CADM1: variants seen among roughly 807,000 people sequenced by gnomAD.
CADM1 encodes TSLC-1.
Under a neutral mutation model 53.1 loss-of-function variants are expected in CADM1, and 15 were observed. The ratio of observed to expected loss-of-function variants is 0.28; its 90% CI spans 0.19 to 0.44. The LOEUF (loss-of-function observed/expected upper bound fraction) is 0.44, where lower values mean the gene tolerates loss of function less well. Among genes scored for constraint, CADM1 ranks in the 20% least tolerant of loss-of-function variants. The probability of loss-of-function intolerance (pLI) is 1.00; values close to 1 mark genes in which losing one functional copy is unlikely to be tolerated. For missense variants in CADM1, 434 were observed against 611.3 expected, an observed-to-expected ratio of 0.71 and a Z score of 3.06; for synonymous variants, 281 against 243.0, an observed-to-expected ratio of 1.16 and a Z score of -1.45.
chr11:115,416,646 C>A lies in CADM1; in HGVS notation c.124+87625G>T, dbSNP rs367580143. Among the ~76,000 whole-genome samples, 13 of 151,028 alleles carry A rather than the reference C, an allele frequency of 8.6e-5. No individual in the cohort carries two copies. In the East Asian group the frequency reaches 1.6e-3, roughly 18 times the overall value. ...AGTACTAACTTGTTGAGTTTACCATCCAAGACTGTAGCCTCAAACCCCCTT... is the reference window on the plus strand; with the variant it reads ...AGTACTAACTTGTTGAGTTTACCATACAAGACTGTAGCCTCAAACCCCCTT... On this transcript the variant is annotated intron_variant, in intron 1 of 11. Coordinates refer to ENST00000331581, the MANE Select transcript of CADM1 (RefSeq NM_001301043.2).
intron 1 of CADM1, among the ~76,000 whole-genome samples, chr11:115,350,984 TTG>T (rs1360764609): frequency 6.6e-6 from 1 of 151,576 alleles, no homozygotes; most frequent in Non-Finnish European, 1.5e-5. Context: ...ATCCCATTAG[TTG>T]TGTTTCCAGT....
chr11:115,337,073 T>C (rs1236707969), intron 1 of CADM1, among the ~76,000 whole-genome samples: 6 of 152,178 alleles, frequency 3.9e-5, no homozygotes, highest in African/African-American at 1.4e-4. Context: ...TTTCCACTAA[T>C]ACAACTAGTA....
chr11:115,467,353 C>G (rs1355631343), intron 1 of CADM1, among the ~76,000 whole-genome samples: 1 of 152,146 alleles, frequency 6.6e-6, no homozygotes, highest in Non-Finnish European at 1.5e-5. Context: ...TACGCAAACC[C>G]AACTGATTGA....
intron 1 of CADM1, among the ~76,000 whole-genome samples, chr11:115,407,364 A>G (rs1454787096): frequency 1.3e-5 from 2 of 152,228 alleles, no homozygotes; most frequent in African/African-American, 2.4e-5. Context: ...CCGCTGGATG[A>G]GTTCAATGCA....
At chr11:115,483,631 G>C (rs1364478727) in intron 1 of CADM1, among the ~76,000 whole-genome samples, 1 of 152,186 alleles carries the variant, frequency 6.6e-6, no homozygotes, top group Non-Finnish European at 1.5e-5. Flanking sequence ...TAAATTTGGA[G>C]TGAATATCAA....
intron 1 of CADM1, among the ~76,000 whole-genome samples, chr11:115,492,108 T>C (rs573750832): frequency 5.3e-4 from 81 of 151,942 alleles, no homozygotes; most frequent in African/African-American, 1.9e-3. Flanking sequence ...AAATAAATAA[T>C]TAAATAAATA....
At chr11:115,216,203 T>C (rs542444373) in intron 6 of CADM1, among the ~76,000 whole-genome samples, 1 of 152,342 alleles carries the variant, frequency 6.6e-6, no homozygotes, top group South Asian at 2.1e-4. Context: ...ATAAGTAACA[T>C]GCTAGAAGGG....
At chr11:115,275,955 G>T (rs1487111233) in intron 1 of CADM1, among the ~76,000 whole-genome samples, 3 of 152,124 alleles carry the variant, frequency 2.0e-5, no homozygotes, top group Non-Finnish European at 4.4e-5. Context: ...TCTATTCCAT[G>T]ACTAAGGTTA....
intron 1 of CADM1, among the ~76,000 whole-genome samples, chr11:115,341,096 C>T (rs926532215): frequency 4.6e-5 from 7 of 152,128 alleles, no homozygotes; most frequent in African/African-American, 1.4e-4. Flanking sequence ...AAATTAAATT[C>T]ATACTAGCTC....
intron 5 of CADM1, among the ~76,000 whole-genome samples, chr11:115,228,197 G>A (rs1175677120): frequency 6.6e-6 from 1 of 152,206 alleles, no homozygotes; most frequent in Non-Finnish European, 1.5e-5. Flanking sequence ...TTTGTGGTGG[G>A]AGGGGGTGTG....
At chr11:115,189,736 T>C (rs560516082) in intron 10 of CADM1, among the ~76,000 whole-genome samples, 37 of 152,224 alleles carry the variant, frequency 2.4e-4, no homozygotes, top group Non-Finnish European at 5.0e-4. Context: ...ATTCATCCAA[T>C]AAGTGTCAAC....
chr11:115,503,953 C>T (rs1322646760), intron 1 of CADM1, among the ~76,000 whole-genome samples: 1 of 152,060 alleles, frequency 6.6e-6, no homozygotes, highest in Non-Finnish European at 1.5e-5. Flanking sequence ...TTTGAACCAT[C>T]CCCTTCCCCC....
intron 1 of CADM1, among the ~76,000 whole-genome samples, chr11:115,277,102 C>T (rs527255069): frequency 7.2e-5 from 11 of 152,210 alleles, no homozygotes; most frequent in Non-Finnish European, 1.3e-4. Context: ...CTTGAGTAGA[C>T]GGGAACATAT....
At chr11:115,350,075 G>A (rs760142657) in intron 1 of CADM1, among the ~76,000 whole-genome samples, 54 of 152,108 alleles carry the variant, frequency 3.6e-4, no homozygotes, top group Admixed American at 3.3e-3. Flanking sequence ...GGGTTTAAGC[G>A]ATTCTCCTGC....
intron 1 of CADM1, chr11:115,340,233 T>G (rs1176627955): frequency 6.6e-6 from 1 of 152,110 alleles, no homozygotes; most frequent in East Asian, 1.9e-4. Flanking sequence ...AAATGTTTAT[T>G]AAATAGAAAT....
At chr11:115,383,635 G>T (rs775486812) in intron 1 of CADM1, among the ~76,000 whole-genome samples, 5 of 152,196 alleles carry the variant, frequency 3.3e-5, no homozygotes, top group Non-Finnish European at 5.9e-5. Flanking sequence ...ACAGACAGAC[G>T]TGGCAGACTT....
intron 1 of CADM1, among the ~76,000 whole-genome samples, chr11:115,304,056 A>C (rs904582982): frequency 6.6e-6 from 1 of 152,082 alleles, no homozygotes; most frequent in Non-Finnish European, 1.5e-5. Context: ...AAAGTGACCA[A>C]ATCTACAGGG....
At chr11:115,362,350 A>G (rs148442364) in intron 1 of CADM1, among the ~76,000 whole-genome samples, 207 of 152,276 alleles carry the variant, frequency 1.4e-3, no homozygotes, top group African/African-American at 4.5e-3. Flanking sequence ...TTGATTCTCA[A>G]AAAAATGTAC....
intron 1 of CADM1, among the ~76,000 whole-genome samples, chr11:115,394,340 T>C (rs1048029072): frequency 6.6e-6 from 1 of 152,222 alleles, no homozygotes; most frequent in African/African-American, 2.4e-5. Context: ...AATATATTTC[T>C]TAAGGCTAAA....
Sources: allele counts gnomAD v4.1 joint callset (sites outside exome capture counted in the v4.1 genomes callset), GRCh38; gene constraint gnomAD v4.1.1; transcripts MANE v1.5; gene names NCBI Gene and HGNC (gene_info 2026-07-23, HGNC 2026-07-21).